The following NDST4 variants were observed in gnomAD, a reference collection of about 807,000 sequenced individuals.
NDST4 encodes N-deacetylase and N-sulfotransferase 4, also known as N-heparan sulfate sulfotransferase 4.
In NDST4, 63 loss-of-function variants were observed where a neutral mutation model predicts 100.8. That is an observed-to-expected ratio of 0.62 (90% CI 0.51 to 0.77). The LOEUF (loss-of-function observed/expected upper bound fraction) is 0.77, where lower values mean the gene tolerates loss of function less well. NDST4 is among the 30% of genes least tolerant of loss of function. The pLI is 0.00. For synonymous variants in NDST4, 377 were observed against 361.8 expected (o/e 1.04, Z -0.48); for missense variants, 943 against 1,018.4 (o/e 0.93, Z 1.01).
chr4:114,951,842 A>C (rs993425350), intron 4 of NDST4, among the ~76,000 whole-genome samples: 2 of 152,140 alleles, frequency 1.3e-5, no homozygotes, highest in Admixed American at 6.6e-5. Flanking sequence ...TTTATGTATA[A>C]AAGTAGCTAA....
At chr4:114,950,110 C>T (rs1432581649) in intron 4 of NDST4, among the ~76,000 whole-genome samples, 4 of 151,944 alleles carry the variant, frequency 2.6e-5, no homozygotes, top group Non-Finnish European at 5.9e-5. Context: ...GTCATTTATA[C>T]AGTTGGATTT....
intron 2 of NDST4, among the ~76,000 whole-genome samples, chr4:115,004,011 C>A (rs1429765568): frequency 1.3e-5 from 2 of 152,106 alleles, no homozygotes; most frequent in Admixed American, 6.6e-5. Flanking sequence ...ACCTCTAGGC[C>A]ACTGGACATT....
intron 1 of NDST4, among the ~76,000 whole-genome samples, chr4:115,086,941 G>A (rs960518297): frequency 6.6e-6 from 1 of 151,974 alleles, no homozygotes; most frequent in Non-Finnish European, 1.5e-5. Flanking sequence ...AATGCTATCC[G>A]TGGCCAAGTT....
At chr4:115,075,200 C>G (rs1471306150) in intron 2 of NDST4, among the ~76,000 whole-genome samples, 1 of 152,118 alleles carries the variant, frequency 6.6e-6, no homozygotes, top group Non-Finnish European at 1.5e-5. Context: ...TAATCCAATA[C>G]CACATTCCCT....
At chr4:114,886,533 T>C (rs775106242) in intron 6 of NDST4, among the ~76,000 whole-genome samples, 14 of 152,130 alleles carry the variant, frequency 9.2e-5, no homozygotes, top group Non-Finnish European at 1.8e-4. Context: ...ATTTATGACA[T>C]AGCAATCACG....
chr4:115,031,474 T>G (rs1348941017), intron 2 of NDST4, among the ~76,000 whole-genome samples: 1 of 151,932 alleles, frequency 6.6e-6, no homozygotes, highest in Non-Finnish European at 1.5e-5. Flanking sequence ...TGGTGTAGAG[T>G]ACTGCCTGAC....
intron 6 of NDST4, among the ~76,000 whole-genome samples, chr4:114,897,842 T>G (rs1724749498): frequency 6.6e-6 from 1 of 152,206 alleles, no homozygotes; most frequent in South Asian, 2.1e-4. Flanking sequence ...CATATTCTTA[T>G]TTGCCATCTG....
At chr4:115,034,565 A>G (rs897195351) in intron 2 of NDST4, among the ~76,000 whole-genome samples, 4 of 152,150 alleles carry the variant, frequency 2.6e-5, no homozygotes, top group African/African-American at 9.7e-5. Flanking sequence ...ATATGTAGGA[A>G]TCAAAATTCT....
intron 2 of NDST4, among the ~76,000 whole-genome samples, chr4:115,062,849 C>T (rs777208050): frequency 1.3e-5 from 2 of 151,722 alleles, no homozygotes; most frequent in Non-Finnish European, 2.9e-5. Context: ...CTATAGGTAT[C>T]AATGTGGGTG....
chr4:115,083,176 C>T (rs963926022), intron 1 of NDST4, among the ~76,000 whole-genome samples: 1 of 152,172 alleles, frequency 6.6e-6, no homozygotes, highest in Non-Finnish European at 1.5e-5. Context: ...CTAGGCCAGG[C>T]ATTGTGGCTC....
At chr4:114,933,032 G>A (rs1394682140) in intron 6 of NDST4, among the ~76,000 whole-genome samples, 1 of 152,050 alleles carries the variant, frequency 6.6e-6, no homozygotes, top group African/African-American at 2.4e-5. Flanking sequence ...TGAGAAACAA[G>A]AAGAAAGCTG....
At chr4:114,886,690 C>A (rs1288107887) in intron 6 of NDST4, among the ~76,000 whole-genome samples, 3 of 151,946 alleles carry the variant, frequency 2.0e-5, no homozygotes, top group Non-Finnish European at 4.4e-5. Flanking sequence ...AAATTTGTTT[C>A]TCTTATTCTT....
intron 2 of NDST4, 58 bp downstream of exon 2, chr4:115,076,001 T>A: frequency 1.3e-6 from 2 of 1,519,924 alleles, no homozygotes; most frequent in Non-Finnish European, 1.8e-6. Context: ...ATTAGTAATA[T>A]TTTATCGGTA....
chr4:114,988,252 T>C (rs1726954927), intron 2 of NDST4, among the ~76,000 whole-genome samples: 2 of 151,708 alleles, frequency 1.3e-5, no homozygotes, highest in South Asian at 4.1e-4. Context: ...GTTAATGAAA[T>C]GTGGATTAAT....
At chr4:115,075,004 C>A (rs1335985735) in intron 2 of NDST4, among the ~76,000 whole-genome samples, 2 of 152,056 alleles carry the variant, frequency 1.3e-5, no homozygotes, top group Non-Finnish European at 2.9e-5. Flanking sequence ...AGATGATTAT[C>A]TTTAGAATTG....
chr4:114,946,426 G>C (rs1358942753), intron 4 of NDST4, among the ~76,000 whole-genome samples: 1 of 152,162 alleles, frequency 6.6e-6, no homozygotes. Flanking sequence ...CAGAAATATA[G>C]AGTGGAATCA....
intron 2 of NDST4, among the ~76,000 whole-genome samples, chr4:115,003,895 T>C (rs757263781): frequency 6.5e-4 from 99 of 152,002 alleles, no homozygotes; most frequent in Non-Finnish European, 1.3e-3. Flanking sequence ...TTATAATTAA[T>C]GTCATTTTAA....
chr4:114,961,201 T>G (rs981065146), intron 4 of NDST4, among the ~76,000 whole-genome samples: 43 of 151,842 alleles, frequency 2.8e-4, no homozygotes, highest in African/African-American at 1.0e-3. Context: ...AGCAGCAAAA[T>G]TAGTGCTTAG....
At chr4:114,873,981 T>C (rs149329507) in intron 6 of NDST4, among the ~76,000 whole-genome samples, 296 of 152,284 alleles carry the variant, frequency 1.9e-3, no homozygotes, top group African/African-American at 7.0e-3. Flanking sequence ...TTTCTAAGTA[T>C]GCAGTTCTGT....
Sources: allele counts gnomAD v4.1 joint callset (sites outside exome capture counted in the v4.1 genomes callset), GRCh38; gene constraint gnomAD v4.1.1; transcripts MANE v1.5; gene names NCBI Gene and HGNC (gene_info 2026-07-23, HGNC 2026-07-21).